Variants in OTUD7A observed in about 807,000 individuals in gnomAD.
OTUD7A encodes the protein OTU domain-containing protein 7A.
Under a neutral mutation model 65.7 loss-of-function variants are expected in OTUD7A, and 12 were observed. The ratio of observed to expected loss-of-function variants is 0.18; its 90% confidence interval spans 0.12 to 0.30. The LOEUF is 0.30. Ranked by LOEUF, OTUD7A falls within the 10% of genes least tolerant of loss-of-function variation. OTUD7A has a pLI of 1.00. For missense variants in OTUD7A, 1,148 were observed against 1,304.8 expected (o/e 0.88, Z 1.85); for synonymous variants, 641 against 586.3 (o/e 1.09, Z -1.35).
chr15:31,594,164 T>C (rs1377499205), intron 3 of OTUD7A, among the ~76,000 whole-genome samples: 1 of 152,190 alleles, frequency 6.6e-6, no homozygotes, highest in Non-Finnish European at 1.5e-5. Context: ...AAAGTATGCT[T>C]GCTGAGAGTG....
At chr15:31,742,072 C>T (rs1894359538) in intron 1 of OTUD7A, among the ~76,000 whole-genome samples, 2 of 152,076 alleles carry the variant, frequency 1.3e-5, no homozygotes, top group Admixed American at 6.5e-5. Flanking sequence ...TCAACAGATA[C>T]ATACTTTTGT....
chr15:31,659,237 G>T (rs1474446919), intron 1 of OTUD7A, among the ~76,000 whole-genome samples: 1 of 152,106 alleles, frequency 6.6e-6, no homozygotes, highest in East Asian at 1.9e-4. Flanking sequence ...TGATCCCTGG[G>T]GACAGGTACA....
At chr15:31,864,426 C>G (rs910982335) in intron 1 of OTUD7A, among the ~76,000 whole-genome samples, 2 of 152,140 alleles carry the variant, frequency 1.3e-5, no homozygotes, top group African/African-American at 4.8e-5. Context: ...GCTGGGGAGA[C>G]CTCAGAATTA....
At chr15:31,574,087 T>G (rs1360879852) in intron 3 of OTUD7A, among the ~76,000 whole-genome samples, 1 of 152,044 alleles carries the variant, frequency 6.6e-6, no homozygotes, top group Non-Finnish European at 1.5e-5. Flanking sequence ...TTGAGGCATA[T>G]AGGGAATAAA....
At chr15:31,612,942 T>C (rs11856520) in intron 3 of OTUD7A, among the ~76,000 whole-genome samples, 27,143 of 152,028 alleles carry the variant, frequency 0.18, 2,627 homozygotes, top group East Asian at 0.25. Flanking sequence ...GGTACAAAAG[T>C]AGGCACATAG....
At chr15:31,864,772 CA>C (rs1480541082) in intron 1 of OTUD7A, among the ~76,000 whole-genome samples, 2 of 151,580 alleles carry the variant, frequency 1.3e-5, no homozygotes. Flanking sequence ...CACACACACA[CA>C]CACACACACA....
At chr15:31,777,398 G>A (rs957259221) in intron 1 of OTUD7A, among the ~76,000 whole-genome samples, 2 of 152,146 alleles carry the variant, frequency 1.3e-5, no homozygotes, top group Admixed American at 6.6e-5. Context: ...TATCCAAATG[G>A]TCAACGCTGA....
rs147381283 is a variant in OTUD7A, at chr15:31,587,728, G to C, written c.152-17531C>G. On this transcript the variant is annotated intron_variant, in intron 3 of 12. Transcript: ENST00000307050. ...TTCAATCACTTTCCAAATAACTTCG[G>C]AGTCTTCCCCATGGCCTCCAGGCCC... 9.9e-5 allele frequency among the ~76,000 whole-genome samples: 15 copies of C among 152,100 alleles called. No homozygotes were observed. The East Asian group carries it at 2.5e-3, about 26-fold the overall frequency.
intron 1 of OTUD7A, among the ~76,000 whole-genome samples, chr15:31,803,041 T>G (rs1422481435): frequency 6.6e-6 from 1 of 152,246 alleles, no homozygotes. Context: ...CAGGTCTGTC[T>G]GTCGACTTTT....
intron 3 of OTUD7A, among the ~76,000 whole-genome samples, chr15:31,610,615 A>ATTTTTTTTTTTTT (rs1336235314): frequency 4.0e-4 from 13 of 32,824 alleles, no homozygotes; most frequent in East Asian, 1.5e-3. Context: ...ATATATATAT[A>ATTTTTTTTTTTTT]TATTTTTTTT....
chr15:31,795,504 G>C (rs1240143448), intron 1 of OTUD7A, among the ~76,000 whole-genome samples: 1 of 152,180 alleles, frequency 6.6e-6, no homozygotes, highest in Non-Finnish European at 1.5e-5. Context: ...AAATCGGAGA[G>C]GTGTAGCTAG....
intron 1 of OTUD7A, among the ~76,000 whole-genome samples, chr15:31,680,509 G>A (rs2255975): frequency 5.3e-5 from 8 of 152,174 alleles, no homozygotes; most frequent in Admixed American, 2.0e-4. Context: ...CAATACTAAC[G>A]GGAAAAAGGT....
intron 1 of OTUD7A, among the ~76,000 whole-genome samples, chr15:31,717,416 G>T (rs1287935548): frequency 6.6e-6 from 1 of 152,002 alleles, no homozygotes; most frequent in Non-Finnish European, 1.5e-5. Flanking sequence ...ACAGGCCCCA[G>T]TGTGTGATGT....
intron 1 of OTUD7A, among the ~76,000 whole-genome samples, chr15:31,769,320 GA>G (rs968922331): frequency 8.5e-5 from 13 of 152,182 alleles, no homozygotes; most frequent in Non-Finnish European, 1.8e-4. Flanking sequence ...TCACCAAAAA[GA>G]AAAAACAATC....
At chr15:31,850,346 T>A (rs1268020344) in intron 1 of OTUD7A, among the ~76,000 whole-genome samples, 1 of 148,036 alleles carries the variant, frequency 6.8e-6, no homozygotes, top group Non-Finnish European at 1.5e-5. Context: ...CACTCATAGG[T>A]GGGAATTGAA....
intron 1 of OTUD7A, among the ~76,000 whole-genome samples, chr15:31,726,733 A>T (rs1893899558): frequency 1.3e-5 from 2 of 152,336 alleles, no homozygotes; most frequent in South Asian, 4.1e-4. Context: ...GATCCACTGT[A>T]CCTACCAGCC....
intron 2 of OTUD7A, 33 bp from the exon 3 acceptor site, chr15:31,655,283 C>T (rs747723764): frequency 2.9e-5 from 29 of 986,436 alleles, no homozygotes; most frequent in African/African-American, 5.1e-5. Context: ...CATTTTACCA[C>T]GTGATGGAAA....
chr15:31,683,950 C>T (rs1892778343), intron 1 of OTUD7A, among the ~76,000 whole-genome samples: 1 of 152,188 alleles, frequency 6.6e-6, no homozygotes, highest in African/African-American at 2.4e-5. Context: ...CCACACTCCC[C>T]TGAGGAAAGA....
chr15:31,715,289 T>C (rs1302478784), intron 1 of OTUD7A, among the ~76,000 whole-genome samples: 1 of 146,908 alleles, frequency 6.8e-6, no homozygotes, highest in African/African-American at 2.5e-5. Context: ...CAGCTTCAGA[T>C]GGCGCCTGGC....
Sources: allele counts gnomAD v4.1 joint callset (sites outside exome capture counted in the v4.1 genomes callset), GRCh38; gene constraint gnomAD v4.1.1; transcripts MANE v1.5; gene names NCBI Gene and HGNC (gene_info 2026-07-23, HGNC 2026-07-21).